The following CTNNA2 variants were observed in gnomAD, a reference collection of about 807,000 sequenced individuals.
CTNNA2 encodes the protein catenin alpha-2.
CTNNA2 carries 42 observed loss-of-function variants against 101.0 expected under a neutral mutation model. The observed-to-expected ratio is 0.42, with a 90% CI of 0.32 to 0.54. The LOEUF (loss-of-function observed/expected upper bound fraction) is 0.54, where lower values mean the gene tolerates loss of function less well. Among genes scored for constraint, CTNNA2 ranks in the 20% least tolerant of loss-of-function variants. The pLI, the probability that CTNNA2 is intolerant of heterozygous loss-of-function variation, is 0.14. For missense variants in CTNNA2, 871 were observed against 1,223.1 expected (o/e 0.71, Z 4.29); for synonymous variants, 450 against 456.4 (o/e 0.99, Z 0.18).
intron 1 of CTNNA2, among the ~76,000 whole-genome samples, chr2:79,517,321 C>T (rs1671860330): frequency 2.0e-5 from 3 of 152,168 alleles, no homozygotes; most frequent in Non-Finnish European, 4.4e-5. Context: ...TTATCATGCT[C>T]ATGTTTAACC....
At chr2:80,256,471 A>G (rs955683525) in intron 7 of CTNNA2, among the ~76,000 whole-genome samples, 3 of 152,166 alleles carry the variant, frequency 2.0e-5, no homozygotes, top group Non-Finnish European at 4.4e-5. Context: ...TCTCTTTTCC[A>G]GAAACATCCA....
intron 2 of CTNNA2, among the ~76,000 whole-genome samples, chr2:79,308,836 A>T: frequency 1.5e-5 from 2 of 129,386 alleles, no homozygotes; most frequent in African/African-American, 2.9e-5. Context: ...TTCCTTCTCT[A>T]TTGCATATTT....
At chr2:79,241,144 A>G (rs963858335) in intron 2 of CTNNA2, among the ~76,000 whole-genome samples, 2 of 152,240 alleles carry the variant, frequency 1.3e-5, no homozygotes, top group Admixed American at 6.5e-5. Flanking sequence ...GATCCATTGT[A>G]TTCATTATTT....
intron 4 of CTNNA2, among the ~76,000 whole-genome samples, chr2:79,422,732 A>G (rs937193931): frequency 3.3e-5 from 5 of 152,200 alleles, no homozygotes; most frequent in Non-Finnish European, 7.4e-5. Context: ...GAGCACATGT[A>G]AGGGATAATT....
chr2:79,582,034 T>G (rs1676179448), intron 1 of CTNNA2, among the ~76,000 whole-genome samples: 1 of 152,196 alleles, frequency 6.6e-6, no homozygotes, highest in South Asian at 2.1e-4. Context: ...AAGAAAACCA[T>G]GTAGTCTAGA....
At chr2:79,254,735 A>G (rs1193989139) in intron 2 of CTNNA2, among the ~76,000 whole-genome samples, 1 of 152,086 alleles carries the variant, frequency 6.6e-6, no homozygotes, top group Non-Finnish European at 1.5e-5. Flanking sequence ...CAGAAAAATA[A>G]TGCTGTAATT....
intron 1 of CTNNA2, among the ~76,000 whole-genome samples, chr2:79,578,706 C>T (rs1443064455): frequency 1.3e-5 from 2 of 152,118 alleles, no homozygotes; most frequent in South Asian, 2.1e-4. Context: ...TGTTCCTGGA[C>T]TCTCTATTCT....
At position 79,463,410 on chromosome 2, in the gene CTNNA2, A is replaced by G. The variant is rs545701232; in HGVS notation, c.-134-41644A>G. Among the ~76,000 whole-genome samples the G allele has an allele frequency of 1.2e-3, 187 of 152,132 alleles. 1 individual carries two copies. Among genetic ancestry groups the G allele is most frequent in the African/African-American group, 4.2e-3 (176 of 41,514 alleles). On this transcript the variant is annotated intron_variant, in intron 4 of 21. Coordinates refer to the CTNNA2 transcript ENST00000466387. ...GAGACTGTCTCAAAAAAAAAAAAAA[A>G]AAAAGAAAGTCCTGCTCCTGATGTA... is the stretch of plus-strand genomic sequence containing the variant.
chr2:80,239,194 C>T (rs1292105633), intron 7 of CTNNA2, among the ~76,000 whole-genome samples: 5 of 152,130 alleles, frequency 3.3e-5, no homozygotes, highest in Non-Finnish European at 7.4e-5. Flanking sequence ...AAAGTTCTTC[C>T]ATGAGATACT....
intron 4 of CTNNA2, among the ~76,000 whole-genome samples, chr2:79,469,617 GC>G (rs1318353024): frequency 6.6e-6 from 1 of 152,152 alleles, no homozygotes; most frequent in Non-Finnish European, 1.5e-5. Context: ...GAACATCGAT[GC>G]AAAAATCCTC....
chr2:80,354,932 T>A (rs1001191337), intron 7 of CTNNA2, among the ~76,000 whole-genome samples: 7 of 152,222 alleles, frequency 4.6e-5, no homozygotes, highest in African/African-American at 1.7e-4. Context: ...AGTGTGGGTG[T>A]TTCTTTCACC....
At chr2:79,319,250 T>C (rs10207032) in intron 3 of CTNNA2, among the ~76,000 whole-genome samples, 39,126 of 152,046 alleles carry the variant, frequency 0.26, 5,299 homozygotes, top group Middle Eastern at 0.38. Flanking sequence ...CCTGTTGCTC[T>C]CTCCTCCAGG....
intron 1 of CTNNA2, among the ~76,000 whole-genome samples, chr2:79,572,625 G>T (rs749636142): frequency 6.6e-6 from 1 of 152,122 alleles, no homozygotes; most frequent in East Asian, 1.9e-4. Context: ...GGTGGCCCAC[G>T]CCTGTAGTCC....
At chr2:80,060,082 T>C (rs1484467) in intron 7 of CTNNA2, among the ~76,000 whole-genome samples, 2 of 152,214 alleles carry the variant, frequency 1.3e-5, no homozygotes, top group African/African-American at 4.8e-5. Flanking sequence ...AGAATGAGCA[T>C]GGGAGAGTCA....
At position 80,271,204 on chromosome 2, in the gene CTNNA2, C is replaced by G. The variant is rs367674440; in HGVS notation, c.1057-122007C>G. 3.9e-5 allele frequency among the ~76,000 whole-genome samples: 6 copies of G among 152,270 alleles called. No individual in the cohort carries two copies. In the East Asian group the frequency reaches 5.8e-4, roughly 15 times the overall value. ...TAAAGAGAGTCTGTCTTTATCCCCC[C>G]CTTGGGTCATATAAGACTGAGAAAT... On this transcript the variant is annotated intron_variant, in intron 7 of 18. Transcript: ENST00000402739.
chr2:80,353,578 T>C (rs562135476), intron 7 of CTNNA2, among the ~76,000 whole-genome samples: 1 of 152,270 alleles, frequency 6.6e-6, no homozygotes, highest in Admixed American at 6.5e-5. Context: ...TATGCCACTG[T>C]GAGAACAATT....
rs775983167 is a variant in CTNNA2 at position 80,581,805 on chromosome 2, G to A, written c.1993G>A (p.Gly665Arg). 6.2e-7 allele frequency: 1 copy of A among 1,607,848 alleles called. No homozygotes were observed. The highest frequency in any genetic ancestry group is 8.5e-7 in the Non-Finnish European group (1 of 1,174,556). Residue 665 changes from glycine (G) to arginine (R), a missense_variant, in exon 14 of 19, where the codon GGG becomes AGG. Around this residue, in one of 5 missense-constraint regions of CTNNA2, gnomAD observed 93 missense variants for 223.7 expected, o/e 0.42. Coordinates refer to ENST00000402739, the MANE Select transcript of CTNNA2 (RefSeq NM_001282597.3). ...VQTEDDQLIAGQSARAIMAQL... is the reference protein window; with the variant it reads ...VQTEDDQLIARQSARAIMAQL... ...GACTGAGGATGACCAGCTCATTGCAGGGCAGAGCGCACGGGTGAGTGGACA... is the reference window on the plus strand; with the variant it reads ...GACTGAGGATGACCAGCTCATTGCAAGGCAGAGCGCACGGGTGAGTGGACA...
intron 7 of CTNNA2, among the ~76,000 whole-genome samples, chr2:80,024,088 GA>G (rs1158051768): frequency 0.017 from 920 of 54,738 alleles, 9 homozygotes; most frequent in Non-Finnish European, 0.024. Context: ...CTCCGTCTCA[GA>G]AAAAAAAAAA....
chr2:79,512,569 C>G (rs1671576341), upstream of CTNNA2, among the ~76,000 whole-genome samples: 1 of 151,718 alleles, frequency 6.6e-6, no homozygotes, highest in African/African-American at 2.4e-5. Context: ...CCCTATCCCC[C>G]CCGCCCCTAT....
Sources: gnomAD v4.1 joint callset for allele counts (sites outside exome capture counted in the v4.1 genomes callset) on GRCh38, gnomAD v4.1.1 for gene constraint, gnomAD v4.1.1 regional missense constraint, MANE v1.5 for transcripts, NCBI Gene and HGNC (gene_info 2026-07-23, HGNC 2026-07-21) for gene names.